TCF12: variants seen among roughly 807,000 people sequenced by gnomAD.
TCF12 encodes the protein DNA-binding protein HTF4.
Under a neutral mutation model 86.0 loss-of-function variants are expected in TCF12, and 45 were observed. The observed-to-expected ratio is 0.52, with a 90% CI of 0.41 to 0.67. The LOEUF (loss-of-function observed/expected upper bound fraction) is 0.67, where lower values mean the gene tolerates loss of function less well. Ranked by LOEUF, TCF12 falls within the 30% of genes least tolerant of loss-of-function variation. TCF12 has a pLI of 0.00. For synonymous variants in TCF12, 330 were observed against 299.6 expected, an observed-to-expected ratio of 1.10 and a Z score of -1.05; for missense variants, 881 against 859.9, an observed-to-expected ratio of 1.02 and a Z score of -0.31.
intron 5 of TCF12, among the ~76,000 whole-genome samples, chr15:57,142,485 G>C (rs1171483500): frequency 3.7e-5 from 1 of 26,924 alleles, no homozygotes; most frequent in African/African-American, 6.1e-5. Flanking sequence ...GGCTAAAGGG[G>C]CTCCCACTGG....
chr15:57,274,567 C>A (rs1245970845), intron 19 of TCF12, among the ~76,000 whole-genome samples: 1 of 152,270 alleles, frequency 6.6e-6, no homozygotes, highest in African/African-American at 2.4e-5. Flanking sequence ...CTACTGATAC[C>A]TCCTGTCACT....
intron 5 of TCF12, among the ~76,000 whole-genome samples, chr15:57,111,167 C>T (rs1468460543): frequency 6.6e-6 from 1 of 151,884 alleles, no homozygotes; most frequent in Non-Finnish European, 1.5e-5. Flanking sequence ...AACTAGCTAG[C>T]GCTGAATGGA....
chr15:56,971,832 A>G (rs890808365), intron 3 of TCF12, among the ~76,000 whole-genome samples: 5 of 152,188 alleles, frequency 3.3e-5, no homozygotes, highest in Non-Finnish European at 7.3e-5. Context: ...AAACATTTTT[A>G]TGAAATGTCC....
At chr15:57,077,956 G>A (rs1268855026) in intron 4 of TCF12, among the ~76,000 whole-genome samples, 1 of 152,000 alleles carries the variant, frequency 6.6e-6, no homozygotes, top group Non-Finnish European at 1.5e-5. Flanking sequence ...TATGAGATGG[G>A]GGAAATATAG....
At chr15:57,106,279 G>C (rs775736104) in intron 5 of TCF12, among the ~76,000 whole-genome samples, 6 of 152,194 alleles carry the variant, frequency 3.9e-5, no homozygotes, top group African/African-American at 7.2e-5. Flanking sequence ...TGATAGTAAT[G>C]CTCTAATGTT....
rs559061311 is a variant in TCF12, at chr15:57,019,736, A to T, written c.149-44014A>T. On this transcript the variant is annotated intron_variant, in intron 3 of 20. Transcript: ENST00000333725. ...GACCAGCCTTAGGTTCTCAATAGTG[A>T]TGTTATCTATAGGAGCAATTGGGGA... is the stretch of plus-strand genomic sequence containing the variant. 1.0e-4 allele frequency among the ~76,000 whole-genome samples: 15 copies of T among 147,530 alleles called. No individual in the cohort carries two copies. The East Asian group carries it at 1.2e-3, about 12-fold the overall frequency.
chr15:57,045,283 T>C (rs961058965), intron 3 of TCF12, among the ~76,000 whole-genome samples: 36 of 152,310 alleles, frequency 2.4e-4, no homozygotes, highest in African/African-American at 8.4e-4. Context: ...ATTTGAACTG[T>C]GTCTGGATTA....
chr15:57,086,035 G>A (rs1296425177), intron 4 of TCF12, among the ~76,000 whole-genome samples: 1 of 151,870 alleles, frequency 6.6e-6, no homozygotes, highest in East Asian at 1.9e-4. Context: ...AAACTCAGCA[G>A]CATTTTAAAG....
At chr15:57,092,746 T>G (rs1460723471) in intron 5 of TCF12, among the ~76,000 whole-genome samples, 1 of 152,194 alleles carries the variant, frequency 6.6e-6, no homozygotes, top group Non-Finnish European at 1.5e-5. Context: ...ATAACTGTTT[T>G]TACCAGTTAT....
At chr15:57,073,586 G>A (rs1012394790) in intron 4 of TCF12, among the ~76,000 whole-genome samples, 3 of 152,190 alleles carry the variant, frequency 2.0e-5, no homozygotes, top group Non-Finnish European at 2.9e-5. Flanking sequence ...AGAAAAGGTA[G>A]ATAACTTATC....
intron 3 of TCF12, among the ~76,000 whole-genome samples, chr15:56,927,576 C>A (rs8023343): frequency 0.33 from 50,643 of 152,038 alleles, 10,106 homozygotes; most frequent in African/African-American, 0.54. Flanking sequence ...CAAATCCATT[C>A]TTTTATTACT....
chr15:56,933,362 G>A (rs1369897308), intron 3 of TCF12, among the ~76,000 whole-genome samples: 1 of 152,108 alleles, frequency 6.6e-6, no homozygotes, highest in Non-Finnish European at 1.5e-5. Flanking sequence ...AGTAGATTGG[G>A]CTGTTGTTTT....
intron 20 of TCF12, among the ~76,000 whole-genome samples, chr15:57,283,998 C>G (rs1457677943): frequency 6.6e-6 from 1 of 152,104 alleles, no homozygotes; most frequent in Non-Finnish European, 1.5e-5. Context: ...CTCAAACTAC[C>G]TCCCCCACAA....
At chr15:56,925,266 CG>C in intron 3 of TCF12, among the ~76,000 whole-genome samples, 1 of 149,228 alleles carries the variant, frequency 6.7e-6, no homozygotes, top group South Asian at 2.2e-4. Flanking sequence ...GCCCCAACCC[CG>C]TAGTCATTGC....
chr15:57,195,962 C>G (rs2057243994), intron 7 of TCF12, among the ~76,000 whole-genome samples: 1 of 152,198 alleles, frequency 6.6e-6, no homozygotes. Flanking sequence ...TGTGCTCATA[C>G]CACTGCACTC....
At chr15:57,214,295 T>C (rs1243705760) in intron 8 of TCF12, 1 of 152,214 alleles carries the variant, frequency 6.6e-6, no homozygotes, top group Non-Finnish European at 1.5e-5. Flanking sequence ...ATGATTGCCT[T>C]TTAGAAGCTT....
chr15:57,138,733 T>G (rs1367626921), intron 5 of TCF12, among the ~76,000 whole-genome samples: 1 of 152,216 alleles, frequency 6.6e-6, no homozygotes, highest in Non-Finnish European at 1.5e-5. Context: ...GAGGCCTAAC[T>G]ATGTTTATTG....
Position 57,104,861 on chromosome 15 carries a change from G to GTTTTTTT in TCF12, c.325+12988_325+12994dup, listed in dbSNP as rs11336613. Among the ~76,000 whole-genome samples, 189 of 71,482 alleles carry GTTTTTTT rather than the reference G, an allele frequency of 2.6e-3. 2 individuals are homozygous for GTTTTTTT. The highest frequency in any genetic ancestry group is 3.2e-3 in the Admixed American group (15 of 4,742). 46.9% of individuals were successfully genotyped at this position (71,482 alleles called of 152,430 possible). On this transcript the variant is annotated intron_variant, in intron 5 of 20. Transcript: ENST00000333725. ...ATCTATCTTGCTGGTCTTTGGTGGT[G>GTTTTTTT]TTTTTTTTTTTTTTTTTTTTTTTTG...
intron 5 of TCF12, among the ~76,000 whole-genome samples, chr15:57,120,069 C>T (rs1480200543): frequency 1.3e-5 from 2 of 152,102 alleles, no homozygotes; most frequent in South Asian, 2.1e-4. Flanking sequence ...AACTGAAATG[C>T]CCTTCATACA....
Sources: gnomAD v4.1 joint callset for allele counts (sites outside exome capture counted in the v4.1 genomes callset) on GRCh38, gnomAD v4.1.1 for gene constraint, MANE v1.5 for transcripts, NCBI Gene and HGNC (gene_info 2026-07-23, HGNC 2026-07-21) for gene names.